The following PARP16 variants were observed in gnomAD, a reference collection of about 807,000 sequenced individuals.
PARP16 encodes protein mono-ADP-ribosyltransferase PARP16.
PARP16 carries 31 observed loss-of-function variants against 35.0 expected under a neutral mutation model. That is an observed-to-expected ratio of 0.88 (90% CI 0.66 to 1.19). PARP16 has a LOEUF of 1.19. Among genes scored for constraint, PARP16 ranks in the 50% most tolerant of loss-of-function variants. The pLI is 0.00. For synonymous variants in PARP16, 162 were observed against 169.5 expected, an observed-to-expected ratio of 0.96 and a Z score of 0.34; for missense variants, 424 against 411.2, an observed-to-expected ratio of 1.03 and a Z score of -0.27.
intron 1 of PARP16, among the ~76,000 whole-genome samples, chr15:65,274,620 G>A (rs1288145540): frequency 6.6e-6 from 1 of 150,858 alleles, no homozygotes; most frequent in Non-Finnish European, 1.5e-5. Flanking sequence ...TGCTCCATGA[G>A]TATTGGTGCT....
At chr15:65,256,314 G>A (rs16948596), downstream of PARP16, among the ~76,000 whole-genome samples, 38,747 of 151,518 alleles carry the variant, frequency 0.26, 5,409 homozygotes, top group African/African-American at 0.35. Flanking sequence ...TCCTAGATCC[G>A]CTCTCCAACC....
At chr15:65,261,453 GT>G (rs997582229) in intron 4 of PARP16, among the ~76,000 whole-genome samples, 4 of 141,118 alleles carry the variant, frequency 2.8e-5, no homozygotes, top group East Asian at 2.1e-4. Flanking sequence ...TACATGTTTT[GT>G]TTTTTTTTTG....
chr15:65,270,351 T>C (rs1027081798), intron 2 of PARP16, among the ~76,000 whole-genome samples: 1 of 152,162 alleles, frequency 6.6e-6, no homozygotes, highest in African/African-American at 2.4e-5. Context: ...ACTATCAGCA[T>C]CTCAATTTAT....
chr15:65,278,333 G>A (rs1449598810), intron 1 of PARP16, among the ~76,000 whole-genome samples: 2 of 152,236 alleles, frequency 1.3e-5, no homozygotes, highest in African/African-American at 4.8e-5. Flanking sequence ...TCAACAAGCT[G>A]TCTTTTTAAT....
At chr15:65,271,576 T>C (rs1365488325) in intron 1 of PARP16, among the ~76,000 whole-genome samples, 1 of 151,892 alleles carries the variant, frequency 6.6e-6, no homozygotes, top group Non-Finnish European at 1.5e-5. Flanking sequence ...TGCCCAGCCT[T>C]GGTGGTTTGT....
chr15:65,284,406 G>A lies in PARP16; in HGVS notation c.174+1847C>T, dbSNP rs770347274. On this transcript the variant is annotated intron_variant, in intron 1 of 5. Transcript: ENST00000649807. ...TGCCCAGGCTGGAGTGCAGTGGGGC[G>A]ATCTCGGCTCACTGCTACCTCTGCC... Among the ~76,000 whole-genome samples the A allele has an allele frequency of 5.3e-5, 7 of 132,754 alleles. No individual in the cohort carries two copies. The South Asian group carries it at 9.8e-4, about 19-fold the overall frequency. 87.1% of individuals were successfully genotyped at this position (132,754 alleles called of 152,430 possible).
chr15:65,284,483 G>A (rs2090521588), intron 1 of PARP16, among the ~76,000 whole-genome samples: 1 of 151,476 alleles, frequency 6.6e-6, no homozygotes, highest in Admixed American at 6.6e-5. Context: ...TGAGTAGCTG[G>A]GATTACCAGC....
chr15:65,268,734 G>T (rs2089986110), intron 2 of PARP16, among the ~76,000 whole-genome samples: 1 of 151,834 alleles, frequency 6.6e-6, no homozygotes, highest in Non-Finnish European at 1.5e-5. Flanking sequence ...GCAAGCCACT[G>T]CCCCCTAGTC....
rs904476481 is a variant in PARP16, at chr15:65,266,097, T to C, written c.519+465A>G. Among the ~76,000 whole-genome samples, 15 of 151,898 alleles carry C rather than the reference T, an allele frequency of 9.9e-5. 1 individual carries two copies. Among genetic ancestry groups the C allele is most frequent in the African/African-American group, 3.6e-4 (15 of 41,416 alleles). On this transcript the variant is annotated intron_variant, in intron 3 of 5. Coordinates refer to ENST00000649807, the MANE Select transcript of PARP16 (RefSeq NM_001316943.2). ...GCACCCACCACCATGCCCGGCTAAT[T>C]TTTGTATTTTTAGTATGGATGGGGT...
intron 4 of PARP16, among the ~76,000 whole-genome samples, chr15:65,262,734 T>G (rs2089777519): frequency 6.6e-6 from 1 of 152,240 alleles, no homozygotes; most frequent in South Asian, 2.1e-4. Flanking sequence ...CAAGGCTTTC[T>G]GCCGATACCC....
At chr15:65,254,922 T>C (rs143307654), downstream of PARP16, among the ~76,000 whole-genome samples, 80 of 152,304 alleles carry the variant, frequency 5.3e-4, no homozygotes, top group African/African-American at 1.9e-3. Flanking sequence ...AGAGTAAAAC[T>C]CTTTCCCTTT....
rs1490035206 is a variant in PARP16, at chr15:65,258,244, G to A, written c.*1163C>T. ...AAATGTCACTCCCAAATCGTACCGG[G>A]CCCTATTATGGCTAAAACCCAGCAG... On this transcript the variant is annotated 3_prime_UTR_variant, in exon 6 of 6. Coordinates refer to ENST00000649807, the MANE Select transcript of PARP16 (RefSeq NM_001316943.2). 1.3e-5 allele frequency: 2 copies of A among 152,156 alleles called. No homozygotes were observed. Among genetic ancestry groups the A allele is most frequent in the African/African-American group, 2.4e-5 (1 of 41,442 alleles). 9.4% of individuals were successfully genotyped at this position (152,156 alleles called of 1,614,324 possible).
At chr15:65,251,540 CATGGCAGCCAG>C (rs1246688110) in intron 2 of PARP16, among the ~76,000 whole-genome samples, 2 of 152,202 alleles carry the variant, frequency 1.3e-5, no homozygotes, top group Admixed American at 6.5e-5. Context: ...TGAGACTTTG[CATGGCAGCCAG>C]ATGGCAGCCT....
At position 65,282,349 on chromosome 15, in the gene PARP16, A is replaced by T. The variant is rs138394159; in HGVS notation, c.174+3904T>A. On this transcript the variant is annotated intron_variant, in intron 1 of 5. Transcript: ENST00000649807. Reference sequence around the variant, plus strand: ...AGCTCCATACTTTCCTTCTTCAGGTAACTACAAAATGATCTAGCCAGTCCA... The same window carrying T: ...AGCTCCATACTTTCCTTCTTCAGGTTACTACAAAATGATCTAGCCAGTCCA... 1.5e-3 allele frequency among the ~76,000 whole-genome samples: 236 copies of T among 152,288 alleles called. 2 individuals are homozygous for T. Among genetic ancestry groups the T allele is most frequent in the African/African-American group, 5.6e-3 (232 of 41,558 alleles).
At chr15:65,237,829 G>A (rs117492305) in intron 3 of PARP16, among the ~76,000 whole-genome samples, 1,819 of 152,314 alleles carry the variant, frequency 0.012, 14 homozygotes, top group Non-Finnish European at 0.021. Flanking sequence ...AATTAATGCA[G>A]TTGGGTACTT....
In PARP16 at chr15:65,259,247, C is replaced by T. The variant is rs993621414; in HGVS notation, c.*160G>A. On this transcript the variant is annotated 3_prime_UTR_variant, in exon 6 of 6. Transcript: ENST00000649807. ...TTGACTGGAGTATGGCTGGGAACAT[C>T]ATCAAAGGCAATGGATACATTTAGG... 8.1e-5 allele frequency: 56 copies of T among 694,254 alleles called. No homozygotes were observed. Among genetic ancestry groups the T allele is most frequent in the Non-Finnish European group, 7.7e-6 (3 of 390,046 alleles). 43.0% of individuals were successfully genotyped at this position (694,254 alleles called of 1,614,324 possible).
chr15:65,253,278 C>T (rs1372784261), downstream of PARP16, among the ~76,000 whole-genome samples: 3 of 152,154 alleles, frequency 2.0e-5, no homozygotes, highest in East Asian at 1.9e-4. Context: ...TTCTTTGAAA[C>T]CCCCACTCAT....
At chr15:65,251,612 CA>C (rs955624006) in intron 2 of PARP16, among the ~76,000 whole-genome samples, 5 of 57,794 alleles carry the variant, frequency 8.7e-5, no homozygotes, top group East Asian at 0.014. Flanking sequence ...GGATCCCCAG[CA>C]AAACTTATGG....
chr15:65,275,456 A>T (rs2090225313), intron 1 of PARP16, among the ~76,000 whole-genome samples: 1 of 152,018 alleles, frequency 6.6e-6, no homozygotes, highest in South Asian at 2.1e-4. Context: ...ATCAGTAGCT[A>T]CTTCATAGGG....
Sources: gnomAD v4.1 joint callset for allele counts (sites outside exome capture counted in the v4.1 genomes callset) on GRCh38, gnomAD v4.1.1 for gene constraint, MANE v1.5 for transcripts, NCBI Gene and HGNC (gene_info 2026-07-23, HGNC 2026-07-21) for gene names.